NMNAT3: variants seen among roughly 807,000 people sequenced by gnomAD.
NMNAT3 encodes nicotinamide nucleotide adenylyltransferase 3, also known as nicotinamide/nicotinic acid mononucleotide adenylyltransferase 3.
NMNAT3 carries 21 observed loss-of-function variants against 24.8 expected under a neutral mutation model. The ratio of observed to expected loss-of-function variants is 0.85; its 90% confidence interval spans 0.60 to 1.22. NMNAT3 has a LOEUF of 1.22. NMNAT3 is among the 50% of genes most tolerant of loss of function. The probability of loss-of-function intolerance (pLI) is 0.00; values close to 1 mark genes in which losing one functional copy is unlikely to be tolerated. For missense variants in NMNAT3, 387 were observed against 436.6 expected, an observed-to-expected ratio of 0.89 and a Z score of 1.01; for synonymous variants, 136 against 155.2, an observed-to-expected ratio of 0.88 and a Z score of 0.92.
rs199733254 is a variant in NMNAT3, at chr3:139,624,795, C to CTG, written c.109+2819_109+2820dup. On this transcript the variant is annotated intron_variant, in intron 3 of 6. Coordinates refer to ENST00000643695, the MANE Select transcript of NMNAT3 (RefSeq NM_001320510.2). ...AATATGGCTTATTTTGGTAAATGTTCTGTGTGCCCTTGGGAAGGATGTGTA... is the reference window on the plus strand; with the variant it reads ...AATATGGCTTATTTTGGTAAATGTTCTGTGTGTGCCCTTGGGAAGGATGTGTA... 5.6e-3 allele frequency among the ~76,000 whole-genome samples: 852 copies of CTG among 152,274 alleles called. 12 individuals carry two copies. The highest frequency in any genetic ancestry group is 0.019 in the African/African-American group (796 of 41,560).
chr3:139,561,367 A>G lies in NMNAT3; in HGVS notation c.684T>C (p.Cys228=), dbSNP rs1444156614. ...GGAAGGTCTTCAAGACGTCTGCCCC[A>G]CAGAGAAGCTTCAGCTCAGGCACAG... The change falls in exon 7 of 7, where the codon TGT becomes TGC. Residue 228 remains cysteine, a synonymous_variant. Transcript: ENST00000643695. 1.2e-6 allele frequency: 2 copies of G among 1,613,648 alleles called. No homozygotes were observed. The highest frequency in any genetic ancestry group is 2.7e-5 in the African/African-American group (2 of 74,902).
intron 1 of NMNAT3, among the ~76,000 whole-genome samples, chr3:139,647,297 G>A (rs2056903001): frequency 6.6e-6 from 1 of 152,148 alleles, no homozygotes; most frequent in South Asian, 2.1e-4. Context: ...TCAATGTACA[G>A]AGCAAAATAA....
intron 1 of NMNAT3, among the ~76,000 whole-genome samples, chr3:139,645,531 C>T (rs1282837611): frequency 6.6e-6 from 1 of 152,156 alleles, no homozygotes; most frequent in African/African-American, 2.4e-5. Context: ...CTTCCAGCTA[C>T]CCTCAAGATT....
At chr3:139,667,792 A>G (rs552858763) in intron 1 of NMNAT3, among the ~76,000 whole-genome samples, 10 of 152,332 alleles carry the variant, frequency 6.6e-5, no homozygotes, top group South Asian at 2.1e-4. Flanking sequence ...CAAGCCCATA[A>G]TGGTGTATGT....
At chr3:139,656,463 TGC>T (rs2057246950) in intron 1 of NMNAT3, among the ~76,000 whole-genome samples, 1 of 152,130 alleles carries the variant, frequency 6.6e-6, no homozygotes, top group South Asian at 2.1e-4. Flanking sequence ...GAATATACTC[TGC>T]TCTCACGGAA....
At chr3:139,629,125 G>A (rs1488327927) in intron 2 of NMNAT3, among the ~76,000 whole-genome samples, 1 of 152,132 alleles carries the variant, frequency 6.6e-6, no homozygotes, top group Non-Finnish European at 1.5e-5. Flanking sequence ...TCTGAGATAA[G>A]GTTACCAAAG....
intron 3 of NMNAT3, among the ~76,000 whole-genome samples, chr3:139,613,993 G>A (rs2055360812): frequency 6.6e-6 from 1 of 151,950 alleles, no homozygotes; most frequent in South Asian, 2.1e-4. Flanking sequence ...GTTGTGGGGT[G>A]GGGGAAGGGG....
chr3:139,610,606 A>G (rs1497268), intron 3 of NMNAT3, among the ~76,000 whole-genome samples: 141,496 of 152,274 alleles, frequency 0.93, 66,667 homozygotes, highest in East Asian at 1. Flanking sequence ...ACTATATTTG[A>G]TTAATAAACA....
intron 1 of NMNAT3, among the ~76,000 whole-genome samples, chr3:139,645,444 G>A (rs993975379): frequency 5.9e-5 from 9 of 152,182 alleles, no homozygotes; most frequent in Non-Finnish European, 1.0e-4. Flanking sequence ...GCAGTTTAGG[G>A]TTAGGGCAGC....
At chr3:139,566,145 C>G (rs1018113387) in intron 6 of NMNAT3, 10 of 152,108 alleles carry the variant, frequency 6.6e-5, no homozygotes, top group African/African-American at 2.2e-4. Context: ...TGTTTTTTGG[C>G]TGCATAAATG....
chr3:139,571,803 C>T (rs1484025017), intron 6 of NMNAT3, among the ~76,000 whole-genome samples: 1 of 152,022 alleles, frequency 6.6e-6, no homozygotes, highest in African/African-American at 2.4e-5. Context: ...GAGGGGAGGC[C>T]AGGCAAAAAG....
At chr3:139,571,767 T>C (rs189060719) in intron 6 of NMNAT3, among the ~76,000 whole-genome samples, 2 of 151,994 alleles carry the variant, frequency 1.3e-5, no homozygotes, top group East Asian at 2.0e-4. Context: ...AGGTTTTCAA[T>C]AGGGGAACCA....
At chr3:139,588,257 C>G (rs2054021059) in intron 3 of NMNAT3, among the ~76,000 whole-genome samples, 1 of 152,136 alleles carries the variant, frequency 6.6e-6, no homozygotes, top group African/African-American at 2.4e-5. Flanking sequence ...CTGTGCCTTT[C>G]CCATGACACT....
chr3:139,631,257 T>C (rs1054650019), intron 2 of NMNAT3, among the ~76,000 whole-genome samples: 1 of 152,110 alleles, frequency 6.6e-6, no homozygotes, highest in Non-Finnish European at 1.5e-5. Flanking sequence ...ACCTGTACCA[T>C]GTGTACACTC....
intron 3 of NMNAT3, among the ~76,000 whole-genome samples, chr3:139,604,142 T>C (rs1197812224): frequency 6.6e-6 from 1 of 152,176 alleles, no homozygotes; most frequent in Admixed American, 6.5e-5. Context: ...CTAAACTCAT[T>C]GGAAGATTCA....
intron 3 of NMNAT3, among the ~76,000 whole-genome samples, chr3:139,600,751 G>A (rs1339225582): frequency 1.3e-5 from 2 of 152,148 alleles, no homozygotes; most frequent in Admixed American, 6.6e-5. Context: ...TCTCAGACAT[G>A]TGGCACTGGT....
chr3:139,567,498 G>T (rs1359532317), intron 6 of NMNAT3: 1 of 152,090 alleles, frequency 6.6e-6, no homozygotes, highest in Non-Finnish European at 1.5e-5. Flanking sequence ...CTGTGGGTTT[G>T]TCATAGATAG....
intron 3 of NMNAT3, among the ~76,000 whole-genome samples, chr3:139,626,624 T>C (rs1260498913): frequency 6.6e-6 from 1 of 152,118 alleles, no homozygotes; most frequent in African/African-American, 2.4e-5. Flanking sequence ...CTTTAAATCT[T>C]TTGTCACAGA....
chr3:139,580,204 T>A (rs1553740513), intron 4 of NMNAT3, among the ~76,000 whole-genome samples: 1 of 147,972 alleles, frequency 6.8e-6, no homozygotes, highest in Non-Finnish European at 1.5e-5. Context: ...AGAGTCTTGC[T>A]CTGTCACCCA....
Sources: allele counts gnomAD v4.1 joint callset (sites outside exome capture counted in the v4.1 genomes callset), GRCh38; gene constraint gnomAD v4.1.1; transcripts MANE v1.5; gene names NCBI Gene and HGNC (gene_info 2026-07-23, HGNC 2026-07-21).